The following DHRSX variants were observed in gnomAD, a reference collection of about 807,000 sequenced individuals.
The protein encoded by DHRSX is dehydrogenase/reductase X-linked.
Under a neutral mutation model 34.0 loss-of-function variants are expected in DHRSX, and 31 were observed. The ratio of observed to expected loss-of-function variants is 0.91; its 90% CI spans 0.69 to 1.23. DHRSX has a LOEUF of 1.23. Ranked by LOEUF, DHRSX falls within the 50% of genes most tolerant of loss-of-function variation. The probability of loss-of-function intolerance (pLI) is 0.00; values close to 1 mark genes in which losing one functional copy is unlikely to be tolerated. For missense variants in DHRSX, 414 were observed against 428.1 expected (o/e 0.97, Z 0.29); for synonymous variants, 201 against 183.8 (o/e 1.09, Z -0.76).
intron 3 of DHRSX, among the ~76,000 whole-genome samples, chrX:2,373,968 T>C (rs2043110908): frequency 6.6e-6 from 1 of 152,088 alleles, no homozygotes; most frequent in Non-Finnish European, 1.5e-5. Context: ...TAAAGTAAGT[T>C]CCTGTAGCAT....
At chrX:2,492,029 T>C (rs1014772035) in intron 1 of DHRSX, among the ~76,000 whole-genome samples, 3 of 152,066 alleles carry the variant, frequency 2.0e-5, no homozygotes, top group Non-Finnish European at 2.9e-5. Flanking sequence ...GGAGGGTAAA[T>C]ATCAAAATGC....
chrX:2,303,637 T>C (rs764247599), intron 3 of DHRSX, among the ~76,000 whole-genome samples: 2 of 152,148 alleles, frequency 1.3e-5, no homozygotes, highest in Admixed American at 6.5e-5. Context: ...TACTTCTTTA[T>C]AGCAATGCAA....
At chrX:2,454,357 T>C (rs868318772) in intron 1 of DHRSX, among the ~76,000 whole-genome samples, 1 of 151,942 alleles carries the variant, frequency 6.6e-6, no homozygotes, top group African/African-American at 2.4e-5. Context: ...TGAAACGCTG[T>C]GTCTACTAAA....
intron 1 of DHRSX, among the ~76,000 whole-genome samples, chrX:2,478,204 T>C (rs2044710817): frequency 6.6e-6 from 1 of 152,134 alleles, no homozygotes. Context: ...GCACGGTGGC[T>C]GGAGGATGTC....
intron 5 of DHRSX, among the ~76,000 whole-genome samples, chrX:2,254,613 A>G (rs2041250340): frequency 6.6e-6 from 1 of 152,116 alleles, no homozygotes; most frequent in South Asian, 2.1e-4. Context: ...CCTACCAGGA[A>G]CTCAGAAAAT....
intron 1 of DHRSX, among the ~76,000 whole-genome samples, chrX:2,499,322 C>A (rs897453743): frequency 4.6e-5 from 7 of 152,170 alleles, no homozygotes; most frequent in African/African-American, 7.2e-5. Flanking sequence ...ACATTCAGGG[C>A]AACGTACACC....
chrX:2,388,627 A>T (rs753705190), intron 3 of DHRSX, among the ~76,000 whole-genome samples: 140 of 150,900 alleles, frequency 9.3e-4, no homozygotes, highest in African/African-American at 3.2e-3. Context: ...ATTCTGTGAT[A>T]GCAGCCTGAA....
chrX:2,491,834 C>T (rs754771043), intron 1 of DHRSX, among the ~76,000 whole-genome samples: 1 of 152,322 alleles, frequency 6.6e-6, no homozygotes, highest in African/African-American at 2.4e-5. Flanking sequence ...ATCAGGCAGT[C>T]GGTGTGGAGG....
intron 4 of DHRSX, among the ~76,000 whole-genome samples, chrX:2,282,556 G>A (rs1049014959): frequency 1.4e-5 from 2 of 145,788 alleles, no homozygotes; most frequent in African/African-American, 5.1e-5. Context: ...AAGAGGGAGG[G>A]TGTGCGAGAG....
chrX:2,489,499 C>G, intron 1 of DHRSX: 1 of 1,613,476 alleles, frequency 6.2e-7, no homozygotes, highest in African/African-American at 1.3e-5. Context: ...GCATCTCGGC[C>G]ACCTGCTTGA....
intron 3 of DHRSX, among the ~76,000 whole-genome samples, chrX:2,380,519 A>G (rs2043191101): frequency 2.0e-5 from 3 of 152,070 alleles, no homozygotes; most frequent in African/African-American, 7.2e-5. Context: ...GTATGAGTTT[A>G]CTATTGCTGC....
At chrX:2,484,356 T>C (rs2044825723) in intron 1 of DHRSX, among the ~76,000 whole-genome samples, 1 of 152,104 alleles carries the variant, frequency 6.6e-6, no homozygotes, top group Non-Finnish European at 1.5e-5. Flanking sequence ...ATATTTCCTC[T>C]CTGACCCCTT....
chrX:2,472,975 G>A (rs73622911), intron 1 of DHRSX, among the ~76,000 whole-genome samples: 2,803 of 152,050 alleles, frequency 0.018, 71 homozygotes, highest in East Asian at 0.086. Context: ...AGAAATCCCC[G>A]AGACTTAATA....
intron 1 of DHRSX, among the ~76,000 whole-genome samples, chrX:2,500,062 T>C (rs1317625016): frequency 6.6e-6 from 1 of 152,058 alleles, no homozygotes; most frequent in African/African-American, 2.4e-5. Context: ...AACCTGCAAA[T>C]CTAGGAACAG....
intron 4 of DHRSX, among the ~76,000 whole-genome samples, chrX:2,267,350 C>T (rs1028667770): frequency 1.3e-5 from 2 of 152,186 alleles, no homozygotes; most frequent in African/African-American, 4.8e-5. Flanking sequence ...TCAAGACCAG[C>T]CTGCCCAACA....
intron 4 of DHRSX, among the ~76,000 whole-genome samples, chrX:2,287,154 G>GATTTATTTTTCCTGC (rs2041813445): frequency 6.6e-6 from 1 of 152,220 alleles, no homozygotes; most frequent in Non-Finnish European, 1.5e-5. Flanking sequence ...CGAAGTATGT[G>GATTTATTTTTCCTGC]AAGGGCAGAG....
At chrX:2,267,572 A>G (rs1322216896) in intron 4 of DHRSX, among the ~76,000 whole-genome samples, 3 of 151,786 alleles carry the variant, frequency 2.0e-5, no homozygotes, top group African/African-American at 7.3e-5. Flanking sequence ...AAGAAAAATA[A>G]TAACCACAAT....
chrX:2,286,446 G>A (rs1373633407), intron 4 of DHRSX, among the ~76,000 whole-genome samples: 5 of 152,182 alleles, frequency 3.3e-5, no homozygotes, highest in African/African-American at 4.8e-5. Context: ...CTGGCTTGAG[G>A]AGCACTTATC....
chrX:2,362,601 G>T (rs2042946474), intron 3 of DHRSX, among the ~76,000 whole-genome samples: 1 of 152,116 alleles, frequency 6.6e-6, no homozygotes, highest in Non-Finnish European at 1.5e-5. Flanking sequence ...GCCTGGCCAG[G>T]TCTGCCTTAT....
Sources: gnomAD v4.1 joint callset for allele counts (sites outside exome capture counted in the v4.1 genomes callset) on GRCh38, gnomAD v4.1.1 for gene constraint, MANE v1.5 for transcripts, NCBI Gene and HGNC (gene_info 2026-07-23, HGNC 2026-07-21) for gene names.